MYO1H: variants seen among roughly 807,000 people sequenced by gnomAD.
MYO1H encodes the protein unconventional myosin-Ih.
Under a neutral mutation model 149.3 loss-of-function variants are expected in MYO1H, and 118 were observed. The observed-to-expected ratio is 0.79, with a 90% CI of 0.68 to 0.92. The LOEUF (loss-of-function observed/expected upper bound fraction) is 0.92, where lower values mean the gene tolerates loss of function less well. Ranked by LOEUF, MYO1H falls within the 40% of genes least tolerant of loss-of-function variation. MYO1H has a pLI of 0.00. For missense variants in MYO1H, 1,212 were observed against 1,280.7 expected, an observed-to-expected ratio of 0.95 and a Z score of 0.82; for synonymous variants, 447 against 465.2, an observed-to-expected ratio of 0.96 and a Z score of 0.50.
exon 28 of MYO1H, chr12:109,443,645 C>T (rs1402706080): frequency 6.2e-7 from 1 of 1,613,500 alleles, no homozygotes; most frequent in African/African-American, 1.3e-5. Context: ...ACTCAGCTCT[C>T]AAAGGTAAGA....
chr12:109,444,523 A>G (rs753376029), exon 30 of MYO1H: 3 of 1,613,118 alleles, frequency 1.9e-6, no homozygotes, highest in Non-Finnish European at 2.5e-6. Flanking sequence ...AATGTTGTTC[A>G]AGGAAGGTAG....
chr12:109,350,889 A>G (rs1009663090), intron 1 of MYO1H, among the ~76,000 whole-genome samples: 1 of 152,256 alleles, frequency 6.6e-6, no homozygotes, highest in South Asian at 2.1e-4. Flanking sequence ...TACATCTTAC[A>G]TAATTAGAGC....
chr12:109,342,273 T>C, the MYO1H span, among the ~76,000 whole-genome samples: 2 of 151,694 alleles, frequency 1.3e-5, no homozygotes, highest in Non-Finnish European at 2.9e-5. Flanking sequence ...GCCTCCCAAG[T>C]AGCTAGGACT....
At chr12:109,435,679 A>C (rs141400130) in intron 21 of MYO1H, among the ~76,000 whole-genome samples, 13 of 152,344 alleles carry the variant, frequency 8.5e-5, no homozygotes, top group African/African-American at 2.9e-4. Flanking sequence ...TTCTGTTCTG[A>C]GAACAGACCT....
intron 1 of MYO1H, among the ~76,000 whole-genome samples, chr12:109,383,342 T>C (rs2137027247): frequency 6.6e-6 from 1 of 152,334 alleles, no homozygotes; most frequent in East Asian, 1.9e-4. Context: ...AAGTTTAACA[T>C]GGGAGAACTG....
chr12:109,389,459 G>T (rs575931521), intron 2 of MYO1H, among the ~76,000 whole-genome samples: 1 of 152,132 alleles, frequency 6.6e-6, no homozygotes, highest in East Asian at 1.9e-4. Flanking sequence ...GAGAGCTGGG[G>T]AAGAGGGTTC....
chr12:109,423,113 G>C, intron 16 of MYO1H, among the ~76,000 whole-genome samples: 1 of 151,848 alleles, frequency 6.6e-6, no homozygotes, highest in East Asian at 1.9e-4. Context: ...AAATTTTTTT[G>C]AGATGTGGTA....
intron 14 of MYO1H, 121 bp from the exon 15 acceptor site, chr12:109,415,405 G>A (rs1392341738): frequency 8.8e-6 from 7 of 798,970 alleles, no homozygotes; most frequent in Admixed American, 2.4e-5. Flanking sequence ...AACCCAGGGG[G>A]TCGGAGGTTG....
At chr12:109,387,905 G>A (rs1293739722) in intron 1 of MYO1H, among the ~76,000 whole-genome samples, 7 of 152,310 alleles carry the variant, frequency 4.6e-5, no homozygotes, top group East Asian at 1.9e-4. Flanking sequence ...CCAGCAGCGC[G>A]GGTGCTCAGG....
At chr12:109,319,169 A>C in the MYO1H span, among the ~76,000 whole-genome samples, 1 of 152,098 alleles carries the variant, frequency 6.6e-6, no homozygotes, top group Non-Finnish European at 1.5e-5. Context: ...AGGTGGAAGC[A>C]ACCCAACAAC....
intron 30 of MYO1H, 91 bp from the exon 31 acceptor site, chr12:109,445,422 T>C (rs1728089010): frequency 4.3e-6 from 4 of 928,578 alleles, no homozygotes; most frequent in Non-Finnish European, 6.5e-6. Flanking sequence ...TTGAAACTAG[T>C]AGAATTTAAT....
At chr12:109,397,850 C>T (rs1566027069) in intron 5 of MYO1H, 38 bp downstream of exon 5, 2 of 1,504,496 alleles carry the variant, frequency 1.3e-6, no homozygotes, top group Non-Finnish European at 1.8e-6. Flanking sequence ...ATGGGGACCC[C>T]TTATTTTGCC....
At chr12:109,318,997 A>G in the MYO1H span, among the ~76,000 whole-genome samples, 1 of 23,198 alleles carries the variant, frequency 4.3e-5, no homozygotes, top group Non-Finnish European at 8.5e-5. Flanking sequence ...TTTTTTTTGC[A>G]ACTTTTCTGT....
At chr12:109,360,985 A>C (rs1868733176) in intron 1 of MYO1H, among the ~76,000 whole-genome samples, 1 of 152,180 alleles carries the variant, frequency 6.6e-6, no homozygotes, top group Non-Finnish European at 1.5e-5. Flanking sequence ...TTTCCCTGCT[A>C]TCTCCACAAG....
intron 31 of MYO1H, chr12:109,445,875 G>C (rs1592826222): frequency 2.0e-6 from 2 of 985,374 alleles, no homozygotes; most frequent in Admixed American, 6.1e-5. Context: ...TTCCCAAATA[G>C]CAGAGTCTAA....
At chr12:109,382,897 T>A (rs1039663316) in intron 1 of MYO1H, among the ~76,000 whole-genome samples, 8 of 147,560 alleles carry the variant, frequency 5.4e-5, no homozygotes, top group Non-Finnish European at 9.0e-5. Flanking sequence ...ATGATATATA[T>A]AAATAAATAT....
In MYO1H at chr12:109,396,826, T is replaced by TTG. The variant is rs1869935430; in HGVS notation, c.489+245_489+246insGT. Among the ~76,000 whole-genome samples the TTG allele has an allele frequency of 4.7e-5, 6 of 126,778 alleles. 1 individual carries two copies. The highest frequency in any genetic ancestry group is 1.8e-4 in the African/African-American group (6 of 33,718). The allele number at this position is 126,778 out of a possible 152,430, so 83.2% of individuals were successfully genotyped here. A position where few individuals can be genotyped will look rare whatever the true frequency, so the allele number is the denominator to read the frequency against. ...TTGTTTTGGTTTCGTTTTTTTTTTT[T>TTG]TTTTTTTTTTTTTTTTTTGAGACGG... On this transcript the variant is annotated intron_variant, in intron 4 of 31. Transcript: ENST00000310903.
chr12:109,441,240 G>A (rs542812157), intron 25 of MYO1H, among the ~76,000 whole-genome samples: 1 of 152,344 alleles, frequency 6.6e-6, no homozygotes, highest in South Asian at 2.1e-4. Context: ...AAGCAGCCAT[G>A]GACAATGTGT....
chr12:109,416,841 A>G (rs1870932745), intron 15 of MYO1H, among the ~76,000 whole-genome samples: 1 of 152,114 alleles, frequency 6.6e-6, no homozygotes, highest in African/African-American at 2.4e-5. Flanking sequence ...TACAAAAATT[A>G]TGTTAAAAAT....
Sources: gnomAD v4.1 joint callset for allele counts (sites outside exome capture counted in the v4.1 genomes callset) on GRCh38, gnomAD v4.1.1 for gene constraint, MANE v1.5 for transcripts, NCBI Gene and HGNC (gene_info 2026-07-23, HGNC 2026-07-21) for gene names.